The following CDKL4 variants were observed in gnomAD, a reference collection of about 807,000 sequenced individuals.
The protein encoded by CDKL4 is cyclin-dependent kinase-like 4.
In CDKL4, 44 loss-of-function variants were observed where a neutral mutation model predicts 42.0. That is an observed-to-expected ratio of 1.05 (90% CI 0.82 to 1.35). The LOEUF (loss-of-function observed/expected upper bound fraction) is 1.35. Ranked by LOEUF, CDKL4 falls within the 40% of genes most tolerant of loss-of-function variation. The pLI is 0.00. For missense variants in CDKL4, 393 were observed against 369.9 expected, an observed-to-expected ratio of 1.06 and a Z score of -0.51; for synonymous variants, 120 against 121.6, an observed-to-expected ratio of 0.99 and a Z score of 0.09.
intron 3 of CDKL4, among the ~76,000 whole-genome samples, chr2:39,223,846 C>T (rs1678529977): frequency 6.6e-6 from 1 of 152,062 alleles, no homozygotes; most frequent in South Asian, 2.1e-4. Context: ...GATCCACCTG[C>T]CTCAGCCTCC....
chr2:39,241,120 C>CA (rs1415471098), intron 1 of CDKL4, among the ~76,000 whole-genome samples: 3 of 152,196 alleles, frequency 2.0e-5, no homozygotes, highest in Non-Finnish European at 4.4e-5. Flanking sequence ...GATTTGATAT[C>CA]AGTTTCCTGA....
At chr2:39,215,809 C>A (rs142344672) in intron 3 of CDKL4, among the ~76,000 whole-genome samples, 1 of 152,288 alleles carries the variant, frequency 6.6e-6, no homozygotes, top group African/African-American at 2.4e-5. Flanking sequence ...GGTGGCATGT[C>A]CTTGACATCA....
At chr2:39,178,648 AT>A in intron 9 of CDKL4, 1 of 1,595,254 alleles carries the variant, frequency 6.3e-7, no homozygotes, top group Non-Finnish European at 8.5e-7. Flanking sequence ...CTGTTCTGCA[AT>A]ATTGGCCCAT....
intron 5 of CDKL4, among the ~76,000 whole-genome samples, chr2:39,197,996 T>C (rs1018646212): frequency 9.2e-5 from 14 of 152,138 alleles, no homozygotes; most frequent in African/African-American, 3.4e-4. Flanking sequence ...TCAATACTGA[T>C]GTTGGATGTA....
chr2:39,247,067 C>A (rs540394981), upstream of CDKL4, among the ~76,000 whole-genome samples: 2 of 152,296 alleles, frequency 1.3e-5, no homozygotes, highest in East Asian at 3.9e-4. Flanking sequence ...ATACTACTTA[C>A]TTCCGTTTGC....
At position 39,178,627 on chromosome 2, in the gene CDKL4, C is replaced by T. The variant is rs1043048176; in HGVS notation, c.927+560G>A. ...ACTGCAGAATTAATGTTTGTCATAA[C>T]AGTCACCATACTGTTCTGCAATATT... On this transcript the variant is annotated intron_variant, in intron 9 of 9. Transcript: ENST00000451199. 1.0e-5 allele frequency: 16 copies of T among 1,574,662 alleles called. No homozygotes were observed. In the African/African-American group the frequency reaches 2.0e-4, roughly 20 times the overall value.
At chr2:39,173,051 ACAGT>A (rs1231472675), downstream of CDKL4, among the ~76,000 whole-genome samples, 15 of 152,218 alleles carry the variant, frequency 9.9e-5, no homozygotes, top group Admixed American at 9.8e-4. Context: ...ATAAGGAAAG[ACAGT>A]CATCCCACCA....
chr2:39,193,629 C>A (rs758561764), intron 5 of CDKL4, among the ~76,000 whole-genome samples: 3 of 152,118 alleles, frequency 2.0e-5, no homozygotes, highest in Non-Finnish European at 4.4e-5. Context: ...CCTGCCTTGG[C>A]CTCCCAAAGT....
chr2:39,189,855 C>T (rs1240906176), intron 6 of CDKL4, among the ~76,000 whole-genome samples: 1 of 152,224 alleles, frequency 6.6e-6, no homozygotes, highest in Non-Finnish European at 1.5e-5. Flanking sequence ...AGAGGCTGTA[C>T]AGCCTGCATA....
Position 39,243,113 on chromosome 2 carries a change from C to CAAAA in CDKL4, c.-57+754_-57+757dup, listed in dbSNP as rs57132937. On this transcript the variant is annotated intron_variant, in intron 1 of 9. Coordinates refer to ENST00000451199, the Ensembl canonical transcript of CDKL4. ...TGGGGAACAAAGTGAGACCCTGTCT[C>CAAAA]AAAAAAAAAAAAAAAAAAAAAAAAA... 6.8e-4 allele frequency among the ~76,000 whole-genome samples: 26 copies of CAAAA among 38,442 alleles called. 2 individuals carry two copies. The highest frequency in any genetic ancestry group is 2.0e-3 in the South Asian group (1 of 512). The allele number at this position is 38,442 out of a possible 152,430, so 25.2% of individuals were successfully genotyped here.
At chr2:39,201,304 T>TAAA (rs139925872) in intron 5 of CDKL4, among the ~76,000 whole-genome samples, 24 of 145,374 alleles carry the variant, frequency 1.7e-4, no homozygotes, top group African/African-American at 3.6e-4. Context: ...ACCAAAAAAA[T>TAAA]AAAAAAAAAA....
chr2:39,178,680 G>T, intron 9 of CDKL4: 1 of 1,607,786 alleles, frequency 6.2e-7, no homozygotes, highest in Admixed American at 1.7e-5. Flanking sequence ...TTGGTTCCCA[G>T]ATGTCTGGGT....
chr2:39,185,669 G>A (rs1675791449), intron 7 of CDKL4, among the ~76,000 whole-genome samples: 1 of 151,086 alleles, frequency 6.6e-6, no homozygotes. Context: ...CACCATGTTC[G>A]CTAGGATGGT....
Position 39,220,976 on chromosome 2 carries a change from CT to C in CDKL4, c.290+4862del, listed in dbSNP as rs1157655136. ...AATCCGCATTCACTACATCGACGAT[CT>C]TTTTTTTTTTTTTTTTTTTTTTTGT... On this transcript the variant is annotated intron_variant, in intron 3 of 9. Coordinates refer to ENST00000451199, the Ensembl canonical transcript of CDKL4. 4.9e-3 allele frequency among the ~76,000 whole-genome samples: 239 copies of C among 49,104 alleles called. 1 individual carries two copies. Among genetic ancestry groups the C allele is most frequent in the South Asian group, 0.013 (10 of 778 alleles). 32.2% of individuals were successfully genotyped at this position (49,104 alleles called of 152,430 possible). A position where few individuals can be genotyped will look rare whatever the true frequency, so the allele number is the denominator to read the frequency against.
chr2:39,175,364 G>T (rs955314565), downstream of CDKL4, among the ~76,000 whole-genome samples: 1 of 152,176 alleles, frequency 6.6e-6, no homozygotes, highest in Non-Finnish European at 1.5e-5. Context: ...TCCACTGTTT[G>T]CTATGTATTG....
chr2:39,200,195 A>G (rs1393649274), intron 5 of CDKL4, among the ~76,000 whole-genome samples: 1 of 152,156 alleles, frequency 6.6e-6, no homozygotes, highest in Non-Finnish European at 1.5e-5. Flanking sequence ...TATACCAACA[A>G]CAACCAAGCT....
Sources: gnomAD v4.1 joint callset for allele counts (sites outside exome capture counted in the v4.1 genomes callset) on GRCh38, gnomAD v4.1.1 for gene constraint, MANE v1.5 for transcripts, NCBI Gene and HGNC (gene_info 2026-07-23, HGNC 2026-07-21) for gene names.